The following SLC17A1 variants were observed in gnomAD, a reference collection of about 807,000 sequenced individuals.
SLC17A1 encodes sodium-dependent phosphate transport protein 1.
In SLC17A1, 51 loss-of-function variants were observed where a neutral mutation model predicts 53.5. That is an observed-to-expected ratio of 0.95 (90% CI 0.76 to 1.20). The LOEUF (loss-of-function observed/expected upper bound fraction) is 1.20. Among genes scored for constraint, SLC17A1 ranks in the 50% most tolerant of loss-of-function variants. The pLI is 0.00. For missense variants in SLC17A1, 538 were observed against 568.2 expected (o/e 0.95, Z 0.54); for synonymous variants, 179 against 198.8 (o/e 0.90, Z 0.84).
intron 6 of SLC17A1, among the ~76,000 whole-genome samples, chr6:25,818,637 T>C (rs1265298815): frequency 6.6e-6 from 1 of 152,232 alleles, no homozygotes; most frequent in Admixed American, 6.5e-5. Flanking sequence ...CTTATTTCTT[T>C]ATAGTTTTTT....
chr6:25,801,295 A>G (rs1763751644), intron 10 of SLC17A1, among the ~76,000 whole-genome samples: 1 of 152,218 alleles, frequency 6.6e-6, no homozygotes, highest in South Asian at 2.1e-4. Context: ...TGTTTTGGTA[A>G]TGGGAACTGG....
chr6:25,734,654 C>A, the SLC17A1 span, among the ~76,000 whole-genome samples: 187 of 152,124 alleles, frequency 1.2e-3, no homozygotes, highest in African/African-American at 3.5e-3. Flanking sequence ...GATCCATCTA[C>A]GAGTGTAAGG....
chr6:25,827,183 TA>T (rs1198814498), intron 2 of SLC17A1, among the ~76,000 whole-genome samples: 13 of 152,254 alleles, frequency 8.5e-5, no homozygotes, highest in African/African-American at 3.1e-4. Context: ...GTTAACTTTT[TA>T]AAAATAAATG....
chr6:25,830,740 C>T, intron 1 of SLC17A1, 133 bp from the exon 2 acceptor site: 1 of 503,948 alleles, frequency 2.0e-6, no homozygotes. Context: ...CCATTCACCT[C>T]CATTATGTGC....
downstream of SLC17A1, chr6:25,778,066 A>C (rs1381147846): frequency 2.0e-6 from 3 of 1,492,126 alleles, no homozygotes; most frequent in Non-Finnish European, 9.3e-7. Flanking sequence ...CTATAGAGGC[A>C]TGGTTTTTTC....
At position 25,802,935 on chromosome 6, in the gene SLC17A1, C is replaced by CTTTTTTTTTTTTTT. The variant is rs34669145; in HGVS notation, c.1179-1969_1179-1956dup. ...ATGACGTTTTAACGACTATCTTCTT[C>CTTTTTTTTTTTTTT]TTTTTTTTTTTTTTTTTTTTTTTTT... On this transcript the variant is annotated intron_variant, in intron 10 of 12. Coordinates refer to ENST00000244527, the MANE Select transcript of SLC17A1 (RefSeq NM_005074.5). Among the ~76,000 whole-genome samples the CTTTTTTTTTTTTTT allele has an allele frequency of 1.2e-3, 54 of 46,098 alleles. 15 individuals carry two copies. The highest frequency in any genetic ancestry group is 4.2e-3 in the African/African-American group (47 of 11,110). The allele number at this position is 46,098 out of a possible 152,430, so 30.2% of individuals were successfully genotyped here.
At chr6:25,798,715 C>T in intron 12 of SLC17A1, 68 bp downstream of exon 12, 2 of 1,424,712 alleles carry the variant, frequency 1.4e-6, no homozygotes, top group South Asian at 1.5e-5. Context: ...TCTGAGGAGT[C>T]ATCCTTATCT....
the SLC17A1 span, among the ~76,000 whole-genome samples, chr6:25,746,492 A>G: frequency 6.6e-6 from 1 of 152,188 alleles, no homozygotes; most frequent in Non-Finnish European, 1.5e-5. Flanking sequence ...TAATGGGATA[A>G]ATTATAAAAA....
intron 2 of SLC17A1, among the ~76,000 whole-genome samples, chr6:25,830,121 C>T (rs1581507071): frequency 6.6e-6 from 1 of 152,104 alleles, no homozygotes; most frequent in Non-Finnish European, 1.5e-5. Flanking sequence ...CTAAAATAAA[C>T]AGCTTCTCTC....
intron 1 of SLC17A1, among the ~76,000 whole-genome samples, chr6:25,831,643 A>G (rs549506655): frequency 2.0e-5 from 3 of 152,130 alleles, no homozygotes; most frequent in South Asian, 4.1e-4. Context: ...AACTACAAAC[A>G]CCACACACAT....
At chr6:25,769,815 C>T in the SLC17A1 span, among the ~76,000 whole-genome samples, 1 of 151,508 alleles carries the variant, frequency 6.6e-6, no homozygotes, top group East Asian at 1.9e-4. Context: ...ATGATGCTTT[C>T]TTCTTTATAG....
At chr6:25,804,063 C>A (rs752659809) in intron 10 of SLC17A1, among the ~76,000 whole-genome samples, 1 of 151,984 alleles carries the variant, frequency 6.6e-6, no homozygotes. Context: ...CTGAATATAT[C>A]GTTAATGATT....
the SLC17A1 span, chr6:25,727,348 C>T: frequency 6.9e-7 from 1 of 1,453,238 alleles, no homozygotes; most frequent in Non-Finnish European, 9.3e-7. Flanking sequence ...GCCACTTAAA[C>T]ATACTGAAAC....
the SLC17A1 span, among the ~76,000 whole-genome samples, chr6:25,745,077 G>C: frequency 4.6e-5 from 7 of 151,964 alleles, no homozygotes; most frequent in African/African-American, 1.7e-4. Flanking sequence ...ATGTGTAAGT[G>C]ACTTCTCTGA....
At chr6:25,795,164 T>C (rs966579235) in intron 12 of SLC17A1, among the ~76,000 whole-genome samples, 2 of 152,078 alleles carry the variant, frequency 1.3e-5, no homozygotes, top group East Asian at 1.9e-4. Flanking sequence ...ATATCTAAAA[T>C]GAGAATTTAA....
chr6:25,754,320 C>T, the SLC17A1 span, among the ~76,000 whole-genome samples: 12 of 152,124 alleles, frequency 7.9e-5, no homozygotes, highest in African/African-American at 1.2e-4. Context: ...TCACTCAAGT[C>T]GACCAAAATG....
intron 12 of SLC17A1, among the ~76,000 whole-genome samples, chr6:25,784,542 A>C (rs772981860): frequency 6.6e-6 from 1 of 152,116 alleles, no homozygotes; most frequent in Non-Finnish European, 1.5e-5. Context: ...TCAGAGTGAG[A>C]ACTCACTCAT....
chr6:25,814,754 C>T (rs573643373), intron 6 of SLC17A1, among the ~76,000 whole-genome samples: 7 of 152,042 alleles, frequency 4.6e-5, no homozygotes, highest in African/African-American at 1.4e-4. Context: ...AAGGCCGAGG[C>T]GGGCGGATCA....
intron 3 of SLC17A1, among the ~76,000 whole-genome samples, chr6:25,822,230 G>A (rs941727718): frequency 2.6e-5 from 4 of 151,832 alleles, no homozygotes; most frequent in Non-Finnish European, 4.4e-5. Context: ...TTCTTATTTC[G>A]TCTTTTTTTC....
Sources: gnomAD v4.1 joint callset for allele counts (sites outside exome capture counted in the v4.1 genomes callset) on GRCh38, gnomAD v4.1.1 for gene constraint, MANE v1.5 for transcripts, NCBI Gene and HGNC (gene_info 2026-07-23, HGNC 2026-07-21) for gene names.